PIGU: variants seen among roughly 807,000 people sequenced by gnomAD.
PIGU encodes GPI-anchor transamidase component PIGU.
A neutral mutation model predicts 49.9 loss-of-function variants in PIGU; 24 were observed. The observed-to-expected ratio is 0.48, with a 90% confidence interval of 0.35 to 0.68. PIGU has a LOEUF of 0.68. Among genes scored for constraint, PIGU ranks in the 30% least tolerant of loss-of-function variants. The pLI is 0.01. For missense variants in PIGU, 490 were observed against 532.6 expected (o/e 0.92, Z 0.79); for synonymous variants, 220 against 205.7 (o/e 1.07, Z -0.59).
At chr20:34,633,729 G>A (rs1438610815) in intron 6 of PIGU, among the ~76,000 whole-genome samples, 1 of 151,834 alleles carries the variant, frequency 6.6e-6, no homozygotes, top group Non-Finnish European at 1.5e-5. Flanking sequence ...CACCACACCC[G>A]GCTAATTTTT....
At chr20:34,648,953 C>T (rs563668243) in intron 2 of PIGU, among the ~76,000 whole-genome samples, 3 of 152,114 alleles carry the variant, frequency 2.0e-5, no homozygotes, top group Admixed American at 6.5e-5. Flanking sequence ...CTGCAACCTC[C>T]GCCTCCTGGG....
intron 10 of PIGU, among the ~76,000 whole-genome samples, chr20:34,576,762 C>T (rs1209046482): frequency 6.6e-6 from 1 of 152,188 alleles, no homozygotes; most frequent in Admixed American, 6.5e-5. Flanking sequence ...GCTGGAACTA[C>T]AGGCATGCAC....
chr20:34,634,648 G>T lies in PIGU; in HGVS notation c.496C>A (p.Leu166Ile). Residue 166 changes from leucine to isoleucine, a missense_variant, in exon 6 of 12, where the codon CTC becomes ATC. By Grantham distance (5) the Leu-to-Ile change is conservative. Transcript: ENST00000217446. Reference sequence around the variant, plus strand: ...GTAGTCAAAATGAAGAAAGCAATGAGGGTGTTGTTGATGGCACAGGTAGAC... The same window carrying T: ...GTAGTCAAAATGAAGAAAGCAATGATGGTGTTGTTGATGGCACAGGTAGAC... ...AKSTCAINNTLIAFFILTTIK... is the reference protein window; with the variant it reads ...AKSTCAINNTIIAFFILTTIK... 1 of 1,613,242 alleles carries T rather than the reference G, an allele frequency of 6.2e-7. No homozygotes were observed. Among genetic ancestry groups the T allele is most frequent in the South Asian group, 1.1e-5 (1 of 91,060 alleles).
chr20:34,636,945 G>C (rs561728158), intron 5 of PIGU, among the ~76,000 whole-genome samples: 1 of 152,088 alleles, frequency 6.6e-6, no homozygotes, highest in Non-Finnish European at 1.5e-5. Flanking sequence ...ACACACATAA[G>C]TCCATAAGAG....
chr20:34,632,214 A>G (rs1436473099), intron 6 of PIGU, among the ~76,000 whole-genome samples: 1 of 152,114 alleles, frequency 6.6e-6, no homozygotes, highest in Non-Finnish European at 1.5e-5. Context: ...ATAGCTACCA[A>G]GATACTAGAA....
intron 11 of PIGU, among the ~76,000 whole-genome samples, chr20:34,567,679 G>A (rs1351347950): frequency 6.6e-6 from 1 of 152,144 alleles, no homozygotes; most frequent in African/African-American, 2.4e-5. Flanking sequence ...CTGCATAAGA[G>A]GCCCTTGAAG....
At chr20:34,583,452 T>C (rs1983566828) in intron 9 of PIGU, among the ~76,000 whole-genome samples, 1 of 152,184 alleles carries the variant, frequency 6.6e-6, no homozygotes, top group Non-Finnish European at 1.5e-5. Flanking sequence ...TAGGTAGAGC[T>C]TCATACCCAG....
chr20:34,587,144 A>C (rs1024655752), intron 8 of PIGU, among the ~76,000 whole-genome samples: 3 of 152,218 alleles, frequency 2.0e-5, no homozygotes, highest in Non-Finnish European at 4.4e-5. Flanking sequence ...GGAGAAATGC[A>C]AATTGTTGAT....
intron 4 of PIGU, among the ~76,000 whole-genome samples, chr20:34,640,514 C>A (rs1464748460): frequency 9.0e-6 from 1 of 111,670 alleles, no homozygotes; most frequent in Non-Finnish European, 2.1e-5. Context: ...CACACACACA[C>A]ACACACACAC....
chr20:34,585,659 A>T, intron 8 of PIGU, 79 bp from the exon 9 acceptor site: 7 of 1,515,006 alleles, frequency 4.6e-6, no homozygotes. Context: ...TCTCCTGAAG[A>T]CTTTGGTCAC....
chr20:34,571,679 A>G (rs1259305106), intron 11 of PIGU, among the ~76,000 whole-genome samples: 3 of 152,212 alleles, frequency 2.0e-5, no homozygotes, highest in Admixed American at 1.3e-4. Context: ...TGCGCAGGAC[A>G]TGCAAGGCTG....
At chr20:34,628,838 G>A (rs188482369) in intron 6 of PIGU, among the ~76,000 whole-genome samples, 180 of 152,248 alleles carry the variant, frequency 1.2e-3, no homozygotes, top group Admixed American at 2.1e-3. Flanking sequence ...GCGACAGAGC[G>A]AGACTGTCTC....
chr20:34,671,418 C>T (rs146907281), intron 1 of PIGU, among the ~76,000 whole-genome samples: 4 of 151,984 alleles, frequency 2.6e-5, no homozygotes, highest in East Asian at 3.9e-4. Flanking sequence ...TGCACCACCA[C>T]GTCCGGCTAA....
chr20:34,625,142 C>T (rs1411735302), intron 6 of PIGU, among the ~76,000 whole-genome samples: 2 of 152,070 alleles, frequency 1.3e-5, no homozygotes, highest in African/African-American at 2.4e-5. Context: ...GAGGCCAAGG[C>T]GGGTGGATCA....
chr20:34,633,519 AC>A (rs1359011853), intron 6 of PIGU, among the ~76,000 whole-genome samples: 1 of 152,054 alleles, frequency 6.6e-6, no homozygotes, highest in African/African-American at 2.4e-5. Flanking sequence ...TGTAACTACT[AC>A]AGGAAAATCA....
At chr20:34,620,012 C>T (rs575107385) in intron 6 of PIGU, among the ~76,000 whole-genome samples, 1 of 152,324 alleles carries the variant, frequency 6.6e-6, no homozygotes, top group South Asian at 2.1e-4. Flanking sequence ...TCATCTCTCT[C>T]CAGCAGCTTT....
chr20:34,640,956 C>T (rs1448416367), intron 4 of PIGU, among the ~76,000 whole-genome samples: 1 of 152,130 alleles, frequency 6.6e-6, no homozygotes, highest in Non-Finnish European at 1.5e-5. Context: ...TGCAGTGTTG[C>T]GATCTCAGCT....
At position 34,650,700 on chromosome 20, in the gene PIGU, C is replaced by CTTTTTTTTTTTTTTTTTTTTTTTTTTT. The variant is rs59998699; in HGVS notation, c.196-5393_196-5367dup. On this transcript the variant is annotated intron_variant, in intron 2 of 11. Coordinates refer to ENST00000217446, the MANE Select transcript of PIGU (RefSeq NM_080476.5). ...AATTTTTTTCCTTTTCTTTTTTTCT[C>CTTTTTTTTTTTTTTTTTTTTTTTTTTT]TTTTTTTTTTTTTTTTTTTTTTTTT... is the stretch of plus-strand genomic sequence containing the variant. 4.1e-4 allele frequency among the ~76,000 whole-genome samples: 16 copies of CTTTTTTTTTTTTTTTTTTTTTTTTTTT among 38,796 alleles called. 4 individuals carry two copies. Among genetic ancestry groups the CTTTTTTTTTTTTTTTTTTTTTTTTTTT allele is most frequent in the South Asian group, 1.1e-3 (1 of 904 alleles). 25.5% of individuals were successfully genotyped at this position (38,796 alleles called of 152,430 possible).
chr20:34,600,856 G>C (rs1041462985), intron 7 of PIGU, among the ~76,000 whole-genome samples: 1 of 152,058 alleles, frequency 6.6e-6, no homozygotes, highest in African/African-American at 2.4e-5. Context: ...CAAACATGGA[G>C]AAACCCCGTC....
Sources: allele counts gnomAD v4.1 joint callset (sites outside exome capture counted in the v4.1 genomes callset), GRCh38; gene constraint gnomAD v4.1.1; transcripts MANE v1.5; gene names NCBI Gene and HGNC (gene_info 2026-07-23, HGNC 2026-07-21).